Variants in DOK5 observed in about 807,000 individuals in gnomAD.
DOK5 encodes the protein downstream of tyrosine kinase 5.
Under a neutral mutation model 43.3 loss-of-function variants are expected in DOK5, and 27 were observed. That is an observed-to-expected ratio of 0.62 (90% CI 0.46 to 0.86). The LOEUF (loss-of-function observed/expected upper bound fraction) is 0.86. Among genes scored for constraint, DOK5 ranks in the 40% least tolerant of loss-of-function variants. The pLI is 0.00. For missense variants in DOK5, 373 were observed against 392.9 expected (o/e 0.95, Z 0.43); for synonymous variants, 146 against 140.1 (o/e 1.04, Z -0.30).
At chr20:54,480,168 A>G (rs955479787) in intron 1 of DOK5, among the ~76,000 whole-genome samples, 6 of 152,198 alleles carry the variant, frequency 3.9e-5, no homozygotes, top group African/African-American at 7.2e-5. Flanking sequence ...CGTGTGAACC[A>G]GAGCAACTCC....
intron 2 of DOK5, among the ~76,000 whole-genome samples, chr20:54,569,836 G>A (rs1184121388): frequency 6.6e-6 from 1 of 152,178 alleles, no homozygotes; most frequent in African/African-American, 2.4e-5. Flanking sequence ...TCAGACAGGC[G>A]CTAGTCCCTA....
intron 6 of DOK5, among the ~76,000 whole-genome samples, chr20:54,635,956 G>A (rs1302230733): frequency 6.6e-6 from 1 of 152,166 alleles, no homozygotes; most frequent in East Asian, 1.9e-4. Context: ...AGTTCTAGAG[G>A]CTGGGAAGTC....
At chr20:54,636,252 T>A (rs566059352) in intron 6 of DOK5, among the ~76,000 whole-genome samples, 2 of 152,346 alleles carry the variant, frequency 1.3e-5, no homozygotes, top group East Asian at 3.9e-4. Flanking sequence ...ATAGTTTAAA[T>A]GATAATAGCC....
chr20:54,574,100 G>A (rs746043728), intron 2 of DOK5, among the ~76,000 whole-genome samples: 4 of 152,100 alleles, frequency 2.6e-5, no homozygotes, highest in Non-Finnish European at 4.4e-5. Flanking sequence ...AAGGCGAGCC[G>A]GACCGCCTTC....
At chr20:54,635,066 G>A (rs773763960) in intron 6 of DOK5, among the ~76,000 whole-genome samples, 1 of 152,048 alleles carries the variant, frequency 6.6e-6, no homozygotes, top group Non-Finnish European at 1.5e-5. Context: ...TGGGAAGTGG[G>A]GGTCAGACAT....
chr20:54,539,279 C>CAAAAAA (rs57981823), intron 1 of DOK5, among the ~76,000 whole-genome samples: 5 of 44,750 alleles, frequency 1.1e-4, no homozygotes, highest in Admixed American at 2.9e-4. Flanking sequence ...GCTCCATCTC[C>CAAAAAA]AAAAAAAAAA....
chr20:54,475,741 G>T lies in DOK5; in HGVS notation c.-206G>T. Reference sequence around the variant, plus strand: ...GCCGCGCTCTGCGCTCCCCGAAAGTGGCTGCAAGCCGGCCGCCCACTGTCA... The same window carrying T: ...GCCGCGCTCTGCGCTCCCCGAAAGTTGCTGCAAGCCGGCCGCCCACTGTCA... On this transcript the variant is annotated 5_prime_UTR_variant, in exon 1 of 8. Coordinates refer to ENST00000262593, the MANE Select transcript of DOK5 (RefSeq NM_018431.5). The surrounding 1 kb of genome is among the most constrained non-coding windows in gnomAD (Gnocchi z 4.2). 1 of 652,120 alleles carries T rather than the reference G, an allele frequency of 1.5e-6. No homozygotes were observed. The allele number at this position is 652,120 out of a possible 1,614,324, so 40.4% of individuals were successfully genotyped here.
chr20:54,516,978 A>C (rs1248289145), intron 1 of DOK5, among the ~76,000 whole-genome samples: 1 of 152,206 alleles, frequency 6.6e-6, no homozygotes, highest in Non-Finnish European at 1.5e-5. Flanking sequence ...AGTTCCTTGA[A>C]AGCCATGCTT....
chr20:54,642,563 A>AG (rs1236075037), intron 6 of DOK5, among the ~76,000 whole-genome samples: 8 of 141,766 alleles, frequency 5.6e-5, no homozygotes, highest in East Asian at 2.0e-4. Flanking sequence ...AAAAAAAAAA[A>AG]AAAAAGAAAA....
chr20:54,591,286 T>A (rs1284248868), intron 4 of DOK5, among the ~76,000 whole-genome samples: 1 of 152,110 alleles, frequency 6.6e-6, no homozygotes, highest in African/African-American at 2.4e-5. Flanking sequence ...GAAAAAAAAA[T>A]TGCTTTTAAT....
At chr20:54,624,656 G>T (rs886853398) in intron 6 of DOK5, among the ~76,000 whole-genome samples, 7 of 138,996 alleles carry the variant, frequency 5.0e-5, no homozygotes, top group Non-Finnish European at 9.5e-5. Context: ...TATAGGTGGG[G>T]GAGAGAATTT....
chr20:54,477,089 C>G lies in DOK5; in HGVS notation c.66+1077C>G, dbSNP rs140247983. On this transcript the variant is annotated intron_variant, in intron 1 of 7. Coordinates refer to ENST00000262593, the MANE Select transcript of DOK5 (RefSeq NM_018431.5). ...GAGAAAATATCCTTTGGTGTAATGC[C>G]TGAAATAAGTATAATGTCAGTAATC... is the stretch of plus-strand genomic sequence containing the variant. Among the ~76,000 whole-genome samples the G allele has an allele frequency of 3.3e-3, 495 of 152,108 alleles. 4 individuals are homozygous for G. The highest frequency in any genetic ancestry group is 0.012 in the African/African-American group (477 of 41,472).
chr20:54,575,679 G>C (rs1027448575), intron 2 of DOK5, among the ~76,000 whole-genome samples: 8 of 152,298 alleles, frequency 5.3e-5, no homozygotes, highest in Admixed American at 5.2e-4. Flanking sequence ...GACCTCAAAT[G>C]ATCCACCCAC....
Position 54,520,585 on chromosome 20 carries a change from T to C in DOK5, c.67-34348T>C, listed in dbSNP as rs962421126. Among the ~76,000 whole-genome samples the C allele has an allele frequency of 4.0e-5, 6 of 151,890 alleles. No individual in the cohort carries two copies. The East Asian group carries it at 9.7e-4, about 24-fold the overall frequency. On this transcript the variant is annotated intron_variant, in intron 1 of 7. Coordinates refer to ENST00000262593, the MANE Select transcript of DOK5 (RefSeq NM_018431.5). ...TTTGAGCTCAGGAGTTTAAGACCAC[T>C]CTGGGCAACACAGCAAGATCTCATC... is the stretch of plus-strand genomic sequence containing the variant.
At chr20:54,601,291 G>C (rs1246217311) in intron 5 of DOK5, among the ~76,000 whole-genome samples, 1 of 152,210 alleles carries the variant, frequency 6.6e-6, no homozygotes, top group Non-Finnish European at 1.5e-5. Context: ...CATTGTGTTT[G>C]AGTTTAGAAC....
chr20:54,485,715 T>G (rs1256540862), intron 1 of DOK5, among the ~76,000 whole-genome samples: 4 of 152,238 alleles, frequency 2.6e-5, no homozygotes, highest in African/African-American at 9.6e-5. Flanking sequence ...TTGTGTCTAG[T>G]TTTTAAAGAA....
rs1322050610 is a variant in DOK5, at chr20:54,476,107, G to A, written c.66+95G>A. The A allele has an allele frequency of 8.9e-6, 14 of 1,570,414 alleles. No individual in the cohort carries two copies. In the Admixed American group the frequency reaches 2.3e-4, roughly 26 times the overall value. On this transcript the variant is annotated intron_variant, in intron 1 of 7. Coordinates refer to ENST00000262593, the MANE Select transcript of DOK5 (RefSeq NM_018431.5). ...GAGGGTGGACGGAGAGTCCCCGGCC[G>A]CGCGCCGGAGAATTGCGCGGTGGCT... is the stretch of plus-strand genomic sequence containing the variant.
At chr20:54,569,675 T>C (rs962053117) in intron 2 of DOK5, among the ~76,000 whole-genome samples, 6 of 152,192 alleles carry the variant, frequency 3.9e-5, no homozygotes, top group African/African-American at 1.2e-4. Flanking sequence ...GTCCCCCTCA[T>C]GTCAGATTCC....
At chr20:54,512,967 A>G (rs1202822151) in intron 1 of DOK5, among the ~76,000 whole-genome samples, 1 of 152,224 alleles carries the variant, frequency 6.6e-6, no homozygotes, top group Non-Finnish European at 1.5e-5. Flanking sequence ...ACTGCTGGGC[A>G]TCTCACTGAT....
Sources: allele counts gnomAD v4.1 joint callset (sites outside exome capture counted in the v4.1 genomes callset), GRCh38; gene constraint gnomAD v4.1.1; non-coding constraint Gnocchi (gnomAD v3.1); transcripts MANE v1.5; gene names NCBI Gene and HGNC (gene_info 2026-07-23, HGNC 2026-07-21).